SYNPR: variants seen among roughly 807,000 people sequenced by gnomAD.
SYNPR encodes synaptoporin.
SYNPR carries 23 observed loss-of-function variants against 32.9 expected under a neutral mutation model. The observed-to-expected ratio is 0.70, with a 90% CI of 0.50 to 0.99. The LOEUF is 0.99. Ranked by LOEUF, SYNPR falls within the 50% of genes least tolerant of loss-of-function variation. SYNPR has a pLI of 0.00. For missense variants in SYNPR, 318 were observed against 349.3 expected (o/e 0.91, Z 0.71); for synonymous variants, 146 against 135.9 (o/e 1.07, Z -0.52).
chr3:63,501,494 C>CAA (rs377290258), intron 3 of SYNPR, among the ~76,000 whole-genome samples: 186 of 96,674 alleles, frequency 1.9e-3, no homozygotes, highest in African/African-American at 6.2e-3. Context: ...CTCCCCCAAC[C>CAA]AAAAAAAAAA....
rs569149078 is a variant in SYNPR, at chr3:63,359,982, G to A, written c.84+81240G>A. ...CAGCCCTAGTGGTTTATCAAGAGGC[G>A]ATTTATAGCCAGTCTCATCTGATTC... On this transcript the variant is annotated intron_variant, in intron 2 of 5. Transcript: ENST00000478300. Among the ~76,000 whole-genome samples the A allele has an allele frequency of 2.4e-4, 37 of 152,236 alleles. No individual in the cohort carries two copies. The South Asian group carries it at 4.4e-3, about 18-fold the overall frequency.
chr3:63,472,896 C>T (rs1468246900), intron 2 of SYNPR, among the ~76,000 whole-genome samples: 3 of 152,140 alleles, frequency 2.0e-5, no homozygotes, highest in African/African-American at 7.2e-5. Flanking sequence ...CACAGGCTGT[C>T]TGTTATAAGT....
At chr3:63,307,927 G>A (rs371186951) in intron 2 of SYNPR, among the ~76,000 whole-genome samples, 3 of 152,022 alleles carry the variant, frequency 2.0e-5, no homozygotes, top group East Asian at 1.9e-4. Context: ...AACATAGTTC[G>A]TGGCTTTTAA....
At chr3:63,202,132 C>T in the SYNPR span, among the ~76,000 whole-genome samples, 1 of 152,242 alleles carries the variant, frequency 6.6e-6, no homozygotes, top group Non-Finnish European at 1.5e-5. Flanking sequence ...ATAGGATCAG[C>T]TGTGTGGTTT....
intron 4 of SYNPR, among the ~76,000 whole-genome samples, chr3:63,558,230 C>G (rs72887396): frequency 2.0e-5 from 3 of 152,184 alleles, no homozygotes; most frequent in Non-Finnish European, 2.9e-5. Context: ...GCTAAATAAA[C>G]CTCTTTTCTT....
intron 4 of SYNPR, among the ~76,000 whole-genome samples, chr3:63,559,986 T>C (rs186736661): frequency 3.3e-5 from 5 of 152,356 alleles, no homozygotes; most frequent in African/African-American, 4.8e-5. Flanking sequence ...TATTTCGTTA[T>C]ATAAAACCAC....
At chr3:63,545,493 C>T (rs371047491) in intron 3 of SYNPR, 3 of 152,056 alleles carry the variant, frequency 2.0e-5, no homozygotes, top group East Asian at 1.9e-4. Flanking sequence ...TAAACAGGGT[C>T]GGGCCTGGTT....
chr3:63,308,603 G>A (rs558263064), intron 2 of SYNPR, among the ~76,000 whole-genome samples: 12 of 151,884 alleles, frequency 7.9e-5, no homozygotes, highest in African/African-American at 2.7e-4. Flanking sequence ...GATTGCAAGG[G>A]GTTTTGCTTT....
intron 3 of SYNPR, among the ~76,000 whole-genome samples, chr3:63,541,149 C>T (rs1702294983): frequency 6.6e-6 from 1 of 151,334 alleles, no homozygotes; most frequent in Non-Finnish European, 1.5e-5. Context: ...TTTTGCCCAC[C>T]GCAGAGAGAA....
At chr3:63,542,246 C>T (rs78059525) in intron 3 of SYNPR, among the ~76,000 whole-genome samples, 4 of 152,082 alleles carry the variant, frequency 2.6e-5, no homozygotes, top group Admixed American at 6.6e-5. Context: ...GATCCTCAAG[C>T]GCAGTGGCTA....
chr3:63,556,686 T>A lies in SYNPR; in HGVS notation c.353T>A (p.Val118Asp). Residue 118 changes from valine to aspartate, a missense_variant, in exon 4 of 6, where the codon GTC becomes GAC. Transcript: ENST00000478300. ...FAFLYSLAAT[V>D]VYIFFQNKYR... is the part of the protein sequence containing the mutation. ...TTCCTCTACTCTTTGGCTGCCACTG[T>A]CGTTTACATTTTCTTCCAGAACAAA... is the stretch of plus-strand genomic sequence containing the variant. 1 of 1,613,872 alleles carries A rather than the reference T, an allele frequency of 6.2e-7. No individual in the cohort carries two copies. Among genetic ancestry groups the A allele is most frequent in the Non-Finnish European group, 8.5e-7 (1 of 1,179,834 alleles).
intron 2 of SYNPR, among the ~76,000 whole-genome samples, chr3:63,474,041 T>C (rs1559509749): frequency 2.0e-5 from 3 of 152,062 alleles, no homozygotes. Context: ...CAATGACAAG[T>C]GGGCGGTGGG....
intron 2 of SYNPR, among the ~76,000 whole-genome samples, chr3:63,438,516 T>G (rs1358896387): frequency 1.3e-5 from 2 of 152,212 alleles, no homozygotes; most frequent in African/African-American, 4.8e-5. Flanking sequence ...TGAAGCCTAC[T>G]GAGGAAAGCT....
chr3:63,388,556 T>TTGTG (rs749669898), intron 2 of SYNPR, among the ~76,000 whole-genome samples: 40,569 of 127,708 alleles, frequency 0.32, 6,890 homozygotes, highest in Non-Finnish European at 0.38. Context: ...CCCGGCTAAT[T>TTGTG]TGTGTGTGTG....
chr3:63,206,214 C>T, the SYNPR span, among the ~76,000 whole-genome samples: 2 of 151,994 alleles, frequency 1.3e-5, no homozygotes, highest in South Asian at 4.1e-4. Flanking sequence ...TCTTAGGTGC[C>T]CTAAAATTTA....
At chr3:63,501,775 C>CT (rs1701486919) in intron 3 of SYNPR, among the ~76,000 whole-genome samples, 1 of 151,996 alleles carries the variant, frequency 6.6e-6, no homozygotes, top group Admixed American at 6.6e-5. Flanking sequence ...TTGAAATACT[C>CT]TAAGAATTTA....
intron 2 of SYNPR, among the ~76,000 whole-genome samples, chr3:63,324,552 T>C (rs772388250): frequency 2.0e-5 from 3 of 152,132 alleles, no homozygotes; most frequent in Non-Finnish European, 4.4e-5. Flanking sequence ...CACCAGTCCA[T>C]GTAAGACGAC....
At chr3:63,361,448 A>T (rs961464065) in intron 2 of SYNPR, among the ~76,000 whole-genome samples, 1 of 152,032 alleles carries the variant, frequency 6.6e-6, no homozygotes, top group African/African-American at 2.4e-5. Context: ...AATACAAAAA[A>T]TTAGCTGGGC....
chr3:63,278,340 C>A lies in SYNPR; in HGVS notation c.-194C>A. The A allele has an allele frequency of 1.5e-6, 1 of 658,808 alleles. No individual in the cohort carries two copies. Among genetic ancestry groups the A allele is most frequent in the Non-Finnish European group, 2.5e-6 (1 of 392,230 alleles). The allele number at this position is 658,808 out of a possible 1,614,324, so 40.8% of individuals were successfully genotyped here. Reference sequence around the variant, plus strand: ...GCTGACTCGCTTCGCTTCCCCGACGCGCTGGGTTCCCGGAGCGCAGAGCCC... The same window carrying A: ...GCTGACTCGCTTCGCTTCCCCGACGAGCTGGGTTCCCGGAGCGCAGAGCCC... On this transcript the variant is annotated 5_prime_UTR_variant, in exon 1 of 6. Transcript: ENST00000478300.
Sources: allele counts gnomAD v4.1 joint callset (sites outside exome capture counted in the v4.1 genomes callset), GRCh38; gene constraint gnomAD v4.1.1; transcripts MANE v1.5; gene names NCBI Gene and HGNC (gene_info 2026-07-23, HGNC 2026-07-21).